Variants in RAD51D observed in about 807,000 individuals in gnomAD.
RAD51D encodes DNA repair protein RAD51 homolog 4.
A neutral mutation model predicts 44.1 loss-of-function variants in RAD51D; 38 were observed. The observed-to-expected ratio is 0.86, with a 90% CI of 0.67 to 1.13. The LOEUF is 1.13. Among genes scored for constraint, RAD51D ranks in the 50% most tolerant of loss-of-function variants. RAD51D has a pLI of 0.00. For synonymous variants in RAD51D, 141 were observed against 166.6 expected (o/e 0.85, Z 1.18); for missense variants, 390 against 414.0 (o/e 0.94, Z 0.50).
rs1424045892 is a variant in RAD51D at position 35,097,573 on chromosome 17, A to C, written c.*3380T>G. 6.6e-6 allele frequency: 1 copy of C among 151,206 alleles called. No individual in the cohort carries two copies. Among genetic ancestry groups the C allele is most frequent in the Non-Finnish European group, 1.5e-5 (1 of 67,972 alleles). 9.4% of individuals were successfully genotyped at this position (151,206 alleles called of 1,614,324 possible). On this transcript the variant is annotated 3_prime_UTR_variant, in exon 10 of 10. Transcript: ENST00000345365. ...TATATTTTTTTCCTAAGAACTAGAGAGTGCCCTCAGGTCTCAAACCACCCC... is the reference window on the plus strand; with the variant it reads ...TATATTTTTTTCCTAAGAACTAGAGCGTGCCCTCAGGTCTCAAACCACCCC...
At chr17:35,115,958 A>AAAGAAAGG (rs2091736668) in intron 3 of RAD51D, among the ~76,000 whole-genome samples, 1 of 130,748 alleles carries the variant, frequency 7.6e-6, no homozygotes, top group Admixed American at 7.6e-5. Flanking sequence ...GGAAGAAAGG[A>AAAGAAAGG]AAGAAAGAAA....
intron 3 of RAD51D, chr17:35,113,420 C>A: frequency 4.2e-6 from 1 of 236,628 alleles, no homozygotes; most frequent in South Asian, 3.6e-5. Flanking sequence ...AGGCACCCAC[C>A]ACCACGCCTG....
chr17:35,100,994 T>TC lies in RAD51D; in HGVS notation c.945dup (p.Thr316AspfsTer11). On this transcript the variant is annotated frameshift_variant, in exon 10 of 10. Transcript: ENST00000345365. LOFTEE classifies it high-confidence loss of function. The stretch of plus-strand genomic sequence containing the variant: ...TGTAATGTGGCACTCTGCTCTGAGG[T>TC]CCCCCAGGTCCCAATGTCTACCATC... 1 of 1,613,634 alleles carries TC rather than the reference T, an allele frequency of 6.2e-7. No individual in the cohort carries two copies. The highest frequency in any genetic ancestry group is 1.1e-5 in the South Asian group (1 of 91,066).
At chr17:35,118,968 C>G (rs751359250) in intron 2 of RAD51D, 143 bp downstream of exon 2, 1 of 777,222 alleles carries the variant, frequency 1.3e-6, no homozygotes, top group Non-Finnish European at 2.3e-6. Context: ...GTCTCGAACT[C>G]CTGACTTCTG....
chr17:35,106,940 G>A (rs770781275), intron 5 of RAD51D, 48 bp downstream of exon 5: 1 of 1,613,686 alleles, frequency 6.2e-7, no homozygotes, highest in Non-Finnish European at 8.5e-7. Flanking sequence ...GGGATAATGG[G>A]GTTTTCCTGT....
intron 3 of RAD51D, among the ~76,000 whole-genome samples, chr17:35,112,961 C>T (rs1453547326): frequency 2.0e-5 from 3 of 152,156 alleles, no homozygotes; most frequent in African/African-American, 7.2e-5. Context: ...GGTGCTATCA[C>T]TTTTATTTCG....
chr17:35,110,764 G>A (rs550133797), intron 3 of RAD51D, among the ~76,000 whole-genome samples: 1 of 152,132 alleles, frequency 6.6e-6, no homozygotes, highest in African/African-American at 2.4e-5. Flanking sequence ...TTGAGCCCAG[G>A]AGTTTGAGGC....
intron 6 of RAD51D, chr17:35,104,748 T>G (rs191680139): frequency 2.0e-5 from 3 of 152,384 alleles, no homozygotes; most frequent in Admixed American, 6.5e-5. Context: ...CTGGTTTCCC[T>G]GGACTTAAAC....
chr17:35,101,120 G>A (rs1483415389), intron 9 of RAD51D, 81 bp downstream of exon 9: 3 of 1,608,572 alleles, frequency 1.9e-6, no homozygotes, highest in African/African-American at 1.3e-5. Flanking sequence ...CCTCTAAAGA[G>A]TTCTTCTCGA....
At chr17:35,106,201 G>T (rs1005627994) in intron 6 of RAD51D, 185 bp downstream of exon 6, 1 of 738,742 alleles carries the variant, frequency 1.4e-6, no homozygotes, top group African/African-American at 1.7e-5. Context: ...CAGGGAAGAT[G>T]AACATGTAAA....
chr17:35,102,598 C>T (rs1027585305), intron 8 of RAD51D, among the ~76,000 whole-genome samples: 2 of 149,314 alleles, frequency 1.3e-5, no homozygotes, highest in African/African-American at 4.9e-5. Context: ...CCCTGCACTC[C>T]AGCCTGGGAA....
At position 35,119,661 on chromosome 17, in the gene RAD51D, G is replaced by T. The variant is rs759556682; in HGVS notation, c.-48C>A. ...CCCAGGGGGACTGCACGTCACGTGG[G>T]CATTCGCGGGGGGTCCTCTCCAGAC... is the stretch of plus-strand genomic sequence containing the variant. On this transcript the variant is annotated 5_prime_UTR_variant, in exon 1 of 10. Transcript: ENST00000345365. 5 of 1,591,760 alleles carry T rather than the reference G, an allele frequency of 3.1e-6. No individual in the cohort carries two copies. Among genetic ancestry groups the T allele is most frequent in the Non-Finnish European group, 4.3e-6 (5 of 1,169,434 alleles).
intron 3 of RAD51D, among the ~76,000 whole-genome samples, chr17:35,118,042 G>C (rs1003737609): frequency 6.6e-6 from 1 of 152,196 alleles, no homozygotes; most frequent in African/African-American, 2.4e-5. Context: ...ATATCCTTAA[G>C]TAAAATAAGA....
rs180988416 is a variant in RAD51D, at chr17:35,100,681, T to C, written c.*272A>G. On this transcript the variant is annotated 3_prime_UTR_variant, in exon 10 of 10. Coordinates refer to ENST00000345365, the MANE Select transcript of RAD51D (RefSeq NM_002878.4). ...AGAGATGCTCCCAGCCAGGGTGAAC[T>C]TGGTTTCCACCAGAAACATACACGT... is the stretch of plus-strand genomic sequence containing the variant. 3.1e-4 allele frequency: 184 copies of C among 596,704 alleles called. 3 individuals carry two copies. The East Asian group carries it at 3.1e-3, about 10-fold the overall frequency. The allele number at this position is 596,704 out of a possible 1,614,324, so 37.0% of individuals were successfully genotyped here.
chr17:35,106,779 G>A (rs1226755589), intron 5 of RAD51D, among the ~76,000 whole-genome samples: 4 of 152,148 alleles, frequency 2.6e-5, no homozygotes, highest in African/African-American at 4.8e-5. Context: ...GCAAAGAGTT[G>A]GGAGGGTTTC....
At chr17:35,113,167 G>T (rs555064269) in intron 3 of RAD51D, among the ~76,000 whole-genome samples, 1 of 152,244 alleles carries the variant, frequency 6.6e-6, no homozygotes, top group South Asian at 2.1e-4. Flanking sequence ...ACCTTTCCTA[G>T]CCCTACAATC....
chr17:35,108,465 G>C (rs1287804064), intron 3 of RAD51D, among the ~76,000 whole-genome samples: 2 of 126,264 alleles, frequency 1.6e-5, no homozygotes, highest in Non-Finnish European at 3.1e-5. Flanking sequence ...TTCAAGTCTA[G>C]CCCAGGCAAC....
In RAD51D at chr17:35,101,260, C is replaced by G. The variant is rs1447892901; in HGVS notation, c.844G>C (p.Glu282Gln). 3 of 1,614,170 alleles carry G rather than the reference C, an allele frequency of 1.9e-6. No homozygotes were observed. The highest frequency in any genetic ancestry group is 2.5e-6 in the Non-Finnish European group (3 of 1,180,034). Residue 282 changes from glutamate (E) to glutamine (Q), a missense_variant, in exon 9 of 10, where the codon GAG becomes CAG. By Grantham distance (29) the Glu-to-Gln change is conservative (BLOSUM62 2). Coordinates refer to ENST00000345365, the MANE Select transcript of RAD51D (RefSeq NM_002878.4). ...CGGCCGCCTGATGCTCCTGCTCCCT[C>G]GATGGTGTCCAGGAGAATCCGAGTG... ...PSTRILLDTI[E>Q]GAGASGGRRM... is the part of the protein sequence containing the mutation.
Position 35,103,554 on chromosome 17 carries a change from T to C in RAD51D, c.577-10A>G, listed in dbSNP as rs1060504767. 4 of 1,609,952 alleles carry C rather than the reference T, an allele frequency of 2.5e-6. No homozygotes were observed. The highest frequency in any genetic ancestry group is 3.4e-6 in the Non-Finnish European group (4 of 1,176,166). ...CTGAAGAACCAGTCACCTGAAGGAATGTGGGGGAAGCACTCATGAACCTGT... is the reference window on the plus strand; with the variant it reads ...CTGAAGAACCAGTCACCTGAAGGAACGTGGGGGAAGCACTCATGAACCTGT... On this transcript the variant is annotated splice_polypyrimidine_tract_variant and intron_variant, in intron 6 of 9. Coordinates refer to ENST00000345365, the MANE Select transcript of RAD51D (RefSeq NM_002878.4). The surrounding 1 kb of genome is among the most constrained non-coding windows in gnomAD (Gnocchi z 4.1).
Sources: gnomAD v4.1 joint callset for allele counts (sites outside exome capture counted in the v4.1 genomes callset) on GRCh38, gnomAD v4.1.1 for gene constraint, Gnocchi (gnomAD v3.1) non-coding constraint, MANE v1.5 for transcripts, NCBI Gene and HGNC (gene_info 2026-07-23, HGNC 2026-07-21) for gene names.